RBFOX1: variants seen among roughly 807,000 people sequenced by gnomAD.
RBFOX1 encodes the protein RNA binding protein fox-1 homolog 1.
RBFOX1 carries 8 observed loss-of-function variants against 57.7 expected under a neutral mutation model. That is an observed-to-expected ratio of 0.14 (90% CI 0.08 to 0.25). The LOEUF (loss-of-function observed/expected upper bound fraction) is 0.25. RBFOX1 is among the 10% of genes least tolerant of loss of function. RBFOX1 has a pLI of 1.00. For missense variants in RBFOX1, 611 were observed against 548.5 expected, an observed-to-expected ratio of 1.11 and a Z score of -1.14; for synonymous variants, 326 against 222.4, an observed-to-expected ratio of 1.47 and a Z score of -4.15.
At chr16:6,962,202 T>A (rs1344393745) in intron 3 of RBFOX1, among the ~76,000 whole-genome samples, 1 of 152,130 alleles carries the variant, frequency 6.6e-6, no homozygotes, top group East Asian at 1.9e-4. Flanking sequence ...TGACTCCAAC[T>A]CTGCTTGTTT....
At chr16:7,369,861 T>G (rs2097535708) in intron 4 of RBFOX1, among the ~76,000 whole-genome samples, 1 of 152,242 alleles carries the variant, frequency 6.6e-6, no homozygotes, top group Non-Finnish European at 1.5e-5. Flanking sequence ...CTCACTTTCT[T>G]GCAGCCAGCC....
Position 5,737,445 on chromosome 16 carries a change from T to A in RBFOX1, c.319-129858T>A, listed in dbSNP as rs553388684. Among the ~76,000 whole-genome samples, 10 of 151,962 alleles carry A rather than the reference T, an allele frequency of 6.6e-5. No individual in the cohort carries two copies. In the South Asian group the frequency reaches 1.5e-3, roughly 22 times the overall value. On this transcript the variant is annotated intron_variant, in intron 3 of 19. Transcript: ENST00000641259. The stretch of plus-strand genomic sequence containing the variant: ...AGGTTGCAGTGAGTCGAGATCATGC[T>A]GCTACACTGCAGCGTGGGCAACAGA...
intron 1 of RBFOX1, among the ~76,000 whole-genome samples, chr16:6,296,053 C>G (rs959984914): frequency 6.6e-6 from 1 of 152,158 alleles, no homozygotes; most frequent in Admixed American, 6.5e-5. Context: ...AAGCTGAGCC[C>G]AGGATCTTCA....
At chr16:7,706,891 C>G (rs147024956) in intron 14 of RBFOX1, among the ~76,000 whole-genome samples, 15 of 152,298 alleles carry the variant, frequency 9.8e-5, no homozygotes, top group Admixed American at 9.8e-4. Context: ...AGTGAGCTCT[C>G]TGAATATATT....
At chr16:5,427,127 C>T (rs507110) in intron 1 of RBFOX1, among the ~76,000 whole-genome samples, 81,341 of 152,020 alleles carry the variant, frequency 0.54, 22,559 homozygotes, top group Admixed American at 0.64. Context: ...CTGATGTGTC[C>T]GCAGATGCTG....
At chr16:6,002,500 T>A (rs1358922239) in intron 4 of RBFOX1, among the ~76,000 whole-genome samples, 1 of 152,156 alleles carries the variant, frequency 6.6e-6, no homozygotes, top group Admixed American at 6.5e-5. Context: ...AAACAGGAAA[T>A]CTTCTTTGCC....
At chr16:7,525,767 C>T (rs948312172) in intron 5 of RBFOX1, among the ~76,000 whole-genome samples, 6 of 152,148 alleles carry the variant, frequency 3.9e-5, no homozygotes, top group Non-Finnish European at 8.8e-5. Flanking sequence ...CTTTTGGTCG[C>T]CATCTTGTTT....
chr16:6,085,245 G>A (rs1209242313), intron 1 of RBFOX1, among the ~76,000 whole-genome samples: 2 of 152,082 alleles, frequency 1.3e-5, no homozygotes, highest in African/African-American at 4.8e-5. Flanking sequence ...GCCTGACTTT[G>A]AGGCTTACAC....
intron 1 of RBFOX1, among the ~76,000 whole-genome samples, chr16:6,039,254 T>C (rs151268467): frequency 6.0e-4 from 91 of 151,524 alleles, no homozygotes; most frequent in South Asian, 1.9e-3. Flanking sequence ...TGTCATGGCC[T>C]CTGTCTGGCT....
intron 3 of RBFOX1, among the ~76,000 whole-genome samples, chr16:6,771,343 G>T (rs992699033): frequency 6.6e-6 from 1 of 152,102 alleles, no homozygotes; most frequent in East Asian, 1.9e-4. Context: ...AGTCTATGTT[G>T]GTATCTTCTT....
intron 2 of RBFOX1, among the ~76,000 whole-genome samples, chr16:6,511,468 T>A (rs1303005242): frequency 6.6e-6 from 1 of 152,164 alleles, no homozygotes; most frequent in Non-Finnish European, 1.5e-5. Context: ...TGGGAGAATT[T>A]TAAAACATGC....
chr16:6,950,194 G>A (rs2080421887), intron 3 of RBFOX1, among the ~76,000 whole-genome samples: 1 of 147,510 alleles, frequency 6.8e-6, no homozygotes, highest in African/African-American at 2.5e-5. Context: ...CTGACCTCAA[G>A]TGATCCACCT....
chr16:7,333,049 G>C, intron 4 of RBFOX1: 1 of 1,613,944 alleles, frequency 6.2e-7, no homozygotes. Flanking sequence ...GCGTGCCTAT[G>C]ATTGTACCGG....
intron 4 of RBFOX1, among the ~76,000 whole-genome samples, chr16:7,135,662 G>A (rs963625831): frequency 2.0e-5 from 3 of 152,238 alleles, no homozygotes; most frequent in Non-Finnish European, 4.4e-5. Flanking sequence ...GAATATTGAG[G>A]ATTAATCGTC....
intron 4 of RBFOX1, among the ~76,000 whole-genome samples, chr16:7,498,256 C>G (rs1365921076): frequency 6.6e-6 from 1 of 152,102 alleles, no homozygotes; most frequent in Non-Finnish European, 1.5e-5. Context: ...CCAAGGTGGT[C>G]ACTTGGTATT....
rs1555524090 is a variant in RBFOX1, at chr16:5,454,854, T to TTTCTTTC, written c.220-12360_220-12359insCTTTCTT. Among the ~76,000 whole-genome samples, 197 of 67,518 alleles carry TTTCTTTC rather than the reference T, an allele frequency of 2.9e-3. 2 individuals carry two copies. Among genetic ancestry groups the TTTCTTTC allele is most frequent in the Middle Eastern group, 0.014 (2 of 148 alleles). The allele number at this position is 67,518 out of a possible 152,430, so 44.3% of individuals were successfully genotyped here. A position where few individuals can be genotyped will look rare whatever the true frequency, so the allele number is the denominator to read the frequency against. On this transcript the variant is annotated intron_variant, in intron 1 of 2. Coordinates refer to the RBFOX1 transcript ENST00000585867. ...TTGCTTTCTTTCCTTTCTTTCTTTC[T>TTTCTTTC]TTTCTTTCTTTCTTTCTTTCTTTCT...
chr16:7,132,056 A>T (rs904875641), intron 4 of RBFOX1, among the ~76,000 whole-genome samples: 12 of 148,410 alleles, frequency 8.1e-5, no homozygotes. Context: ...AAGTGGCACA[A>T]TATCAGGTCA....
chr16:6,935,626 G>C (rs1205931486), intron 3 of RBFOX1, among the ~76,000 whole-genome samples: 1 of 152,134 alleles, frequency 6.6e-6, no homozygotes, highest in Non-Finnish European at 1.5e-5. Flanking sequence ...ACAAGCACAC[G>C]CTCCCCTACA....
chr16:6,890,034 C>A (rs915307556), intron 3 of RBFOX1, among the ~76,000 whole-genome samples: 1 of 151,978 alleles, frequency 6.6e-6, no homozygotes, highest in African/African-American at 2.4e-5. Flanking sequence ...TAGTAGTGTC[C>A]CACTTATACT....
Sources: gnomAD v4.1 joint callset for allele counts (sites outside exome capture counted in the v4.1 genomes callset) on GRCh38, gnomAD v4.1.1 for gene constraint, MANE v1.5 for transcripts, NCBI Gene and HGNC (gene_info 2026-07-23, HGNC 2026-07-21) for gene names.